GPC5: variants seen among roughly 807,000 people sequenced by gnomAD.
GPC5 encodes the protein glypican-5.
In GPC5, 47 loss-of-function variants were observed where a neutral mutation model predicts 53.9. The ratio of observed to expected loss-of-function variants is 0.87; its 90% CI spans 0.69 to 1.11. GPC5 has a LOEUF of 1.11. Ranked by LOEUF, GPC5 falls within the 50% of genes most tolerant of loss-of-function variation. The pLI is 0.00. For synonymous variants in GPC5, 286 were observed against 263.3 expected, an observed-to-expected ratio of 1.09 and a Z score of -0.84; for missense variants, 748 against 713.1, an observed-to-expected ratio of 1.05 and a Z score of -0.56.
chr13:91,649,898 A>G (rs1276030789), intron 2 of GPC5, among the ~76,000 whole-genome samples: 2 of 152,210 alleles, frequency 1.3e-5, no homozygotes, highest in Non-Finnish European at 2.9e-5. Context: ...ACTATGTTCA[A>G]ATTTATAAAA....
intron 2 of GPC5, among the ~76,000 whole-genome samples, chr13:91,544,558 ATTG>A (rs968771858): frequency 1.3e-5 from 2 of 152,198 alleles, no homozygotes; most frequent in African/African-American, 2.4e-5. Context: ...GTTTCACTAA[ATTG>A]TTGTTCAAAA....
intron 6 of GPC5, among the ~76,000 whole-genome samples, chr13:92,093,155 A>G (rs189155694): frequency 1.1e-4 from 17 of 152,232 alleles, no homozygotes; most frequent in Middle Eastern, 6.8e-3. Flanking sequence ...GTTTTTCTTA[A>G]TTTTTCTCTA....
chr13:92,669,119 C>A (rs548508842), intron 7 of GPC5, among the ~76,000 whole-genome samples: 1 of 152,142 alleles, frequency 6.6e-6, no homozygotes, highest in South Asian at 2.1e-4. Context: ...AATGTTCTAA[C>A]TTTAATCACA....
At chr13:92,334,914 T>TCTGTTCTGACTGGTTTCAA (rs2043312034) in intron 7 of GPC5, among the ~76,000 whole-genome samples, 1 of 152,130 alleles carries the variant, frequency 6.6e-6, no homozygotes, top group Admixed American at 6.5e-5. Context: ...GTACACTGCT[T>TCTGTTCTGACTGGTTTCAA]CTGTTCTGAC....
At chr13:91,852,306 C>T (rs550373899) in intron 5 of GPC5, among the ~76,000 whole-genome samples, 7 of 152,134 alleles carry the variant, frequency 4.6e-5, no homozygotes, top group African/African-American at 9.6e-5. Context: ...GGCCTACACA[C>T]GGTCAGGATC....
rs141235350 is a variant in GPC5, at chr13:92,297,892, T to C, written c.1561+152903T>C. Among the ~76,000 whole-genome samples the C allele has an allele frequency of 8.3e-3, 1,259 of 152,150 alleles. 25 individuals carry two copies. The highest frequency in any genetic ancestry group is 0.043 in the Admixed American group (656 of 15,284). ...AGCTGTAACACTCACCGCGAAGATC[T>C]GCAGCTTCACTCCTGAGCCCAGCGA... On this transcript the variant is annotated intron_variant, in intron 7 of 7. Transcript: ENST00000377067.
chr13:92,529,060 C>A (rs1194233874), intron 7 of GPC5, among the ~76,000 whole-genome samples: 1 of 152,080 alleles, frequency 6.6e-6, no homozygotes, highest in Admixed American at 6.6e-5. Context: ...TTTGCATGCT[C>A]TCTTTAAGGT....
chr13:91,742,248 A>C (rs1208156000), intron 4 of GPC5, among the ~76,000 whole-genome samples: 1 of 152,216 alleles, frequency 6.6e-6, no homozygotes, highest in Non-Finnish European at 1.5e-5. Context: ...AACATATGGC[A>C]AAAGTTCAGG....
chr13:92,463,756 A>G (rs951440713), intron 7 of GPC5, among the ~76,000 whole-genome samples: 2 of 152,182 alleles, frequency 1.3e-5, no homozygotes, highest in East Asian at 3.8e-4. Flanking sequence ...CTCCACAAAT[A>G]GCATTTTTCA....
intron 6 of GPC5, among the ~76,000 whole-genome samples, chr13:91,993,222 T>A (rs1330283613): frequency 6.6e-6 from 1 of 152,216 alleles, no homozygotes; most frequent in Non-Finnish European, 1.5e-5. Context: ...ACCTCTGAAT[T>A]ATCTTCAACC....
At chr13:91,631,255 AT>A (rs1319504411) in intron 2 of GPC5, among the ~76,000 whole-genome samples, 1 of 152,088 alleles carries the variant, frequency 6.6e-6, no homozygotes, top group Non-Finnish European at 1.5e-5. Context: ...TTTTTAACTG[AT>A]GGGGCCTGGC....
At chr13:92,527,170 AAG>A (rs57318502) in intron 7 of GPC5, among the ~76,000 whole-genome samples, 2,830 of 101,348 alleles carry the variant, frequency 0.028, 424 homozygotes, top group Non-Finnish European at 0.038. Flanking sequence ...GAAAGAAAGA[AAG>A]AGAAAGAAAG....
chr13:91,496,795 C>G (rs2139276696), intron 2 of GPC5, among the ~76,000 whole-genome samples: 2 of 152,132 alleles, frequency 1.3e-5, no homozygotes, highest in African/African-American at 4.8e-5. Context: ...AATCATAACG[C>G]AAAAGATGAA....
chr13:91,928,646 G>A (rs566570760), intron 6 of GPC5, among the ~76,000 whole-genome samples: 61 of 152,230 alleles, frequency 4.0e-4, no homozygotes, highest in African/African-American at 1.3e-3. Context: ...GACAATATCA[G>A]GAAGGAAACC....
At chr13:91,634,187 C>T (rs1344748828) in intron 2 of GPC5, among the ~76,000 whole-genome samples, 1 of 151,780 alleles carries the variant, frequency 6.6e-6, no homozygotes, top group African/African-American at 2.4e-5. Flanking sequence ...TCTTATTATT[C>T]AATAATCTAT....
intron 7 of GPC5, among the ~76,000 whole-genome samples, chr13:92,616,657 T>C (rs1479034177): frequency 6.6e-6 from 1 of 152,188 alleles, no homozygotes; most frequent in Non-Finnish European, 1.5e-5. Flanking sequence ...GACATATTTA[T>C]ACAAAGGATT....
intron 1 of GPC5, among the ~76,000 whole-genome samples, chr13:91,427,559 A>G (rs576113154): frequency 6.6e-6 from 1 of 152,204 alleles, no homozygotes; most frequent in East Asian, 1.9e-4. Flanking sequence ...GTGTCTTGGA[A>G]GTAACTAACT....
chr13:92,429,994 T>A (rs993473636), intron 7 of GPC5, among the ~76,000 whole-genome samples: 1 of 151,834 alleles, frequency 6.6e-6, no homozygotes, highest in Non-Finnish European at 1.5e-5. Flanking sequence ...TCACAAGAAA[T>A]AAGTAGTGAG....
At chr13:92,791,178 C>A (rs1876447278) in intron 7 of GPC5, among the ~76,000 whole-genome samples, 1 of 152,006 alleles carries the variant, frequency 6.6e-6, no homozygotes, top group African/African-American at 2.4e-5. Flanking sequence ...ATTTCACTTG[C>A]CTTGATAAGT....
Sources: allele counts gnomAD v4.1 joint callset (sites outside exome capture counted in the v4.1 genomes callset), GRCh38; gene constraint gnomAD v4.1.1; transcripts MANE v1.5; gene names NCBI Gene and HGNC (gene_info 2026-07-23, HGNC 2026-07-21).